SNX7: variants seen among roughly 807,000 people sequenced by gnomAD.
SNX7 encodes the protein sorting nexin-7.
Under a neutral mutation model 48.4 loss-of-function variants are expected in SNX7, and 35 were observed. That is an observed-to-expected ratio of 0.72 (90% CI 0.55 to 0.96). The LOEUF is 0.96. Among genes scored for constraint, SNX7 ranks in the 40% least tolerant of loss-of-function variants. The probability of loss-of-function intolerance (pLI) is 0.00; values close to 1 mark genes in which losing one functional copy is unlikely to be tolerated. For synonymous variants in SNX7, 190 were observed against 190.2 expected, an observed-to-expected ratio of 1.00 and a Z score of 0.01; for missense variants, 553 against 548.9, an observed-to-expected ratio of 1.01 and a Z score of -0.07.
intron 7 of SNX7, among the ~76,000 whole-genome samples, chr1:98,727,126 C>T (rs376261913): frequency 3.9e-5 from 6 of 152,302 alleles, no homozygotes; most frequent in South Asian, 4.1e-4. Context: ...AGGAGAATGG[C>T]GTGAACCCGG....
At chr1:98,702,907 C>T (rs901597354) in intron 7 of SNX7, among the ~76,000 whole-genome samples, 3 of 151,992 alleles carry the variant, frequency 2.0e-5, no homozygotes, top group Non-Finnish European at 4.4e-5. Flanking sequence ...GCGGGGGAGT[C>T]CTTGAAACTT....
intron 7 of SNX7, among the ~76,000 whole-genome samples, chr1:98,736,883 C>T (rs148390796): frequency 6.6e-6 from 1 of 152,130 alleles, no homozygotes; most frequent in East Asian, 1.9e-4. Flanking sequence ...TGGCCTCTCA[C>T]AAATACTTTG....
intron 8 of SNX7, among the ~76,000 whole-genome samples, chr1:98,752,150 GATTCTTTATATCCTCCA>G (rs1654616933): frequency 6.6e-6 from 1 of 151,996 alleles, no homozygotes; most frequent in South Asian, 2.1e-4. Flanking sequence ...TTGTATTAAT[GATTCTTTATATCCTCCA>G]ATTATGATCC....
intron 2 of SNX7, among the ~76,000 whole-genome samples, chr1:98,685,422 A>G (rs1483910522): frequency 2.0e-5 from 3 of 152,158 alleles, no homozygotes; most frequent in African/African-American, 2.4e-5. Context: ...TCGCAATATT[A>G]TGTATTCAGA....
chr1:98,752,294 G>T (rs1161390228), intron 8 of SNX7, among the ~76,000 whole-genome samples: 7 of 152,008 alleles, frequency 4.6e-5, no homozygotes, highest in Non-Finnish European at 8.8e-5. Flanking sequence ...AGGAGCCTTA[G>T]AGATCATCTT....
chr1:98,759,162 T>C (rs1025779477), intron 8 of SNX7, among the ~76,000 whole-genome samples: 11 of 152,016 alleles, frequency 7.2e-5, no homozygotes, highest in African/African-American at 2.7e-4. Flanking sequence ...TCAGTCCAGC[T>C]TTGGAGTGTT....
chr1:98,682,135 C>G (rs1163529128), intron 1 of SNX7, among the ~76,000 whole-genome samples: 1 of 148,604 alleles, frequency 6.7e-6, no homozygotes, highest in Non-Finnish European at 1.5e-5. Flanking sequence ...CCTTGTTTTT[C>G]TCTCTCACCT....
At chr1:98,703,418 T>A (rs981545007) in intron 7 of SNX7, among the ~76,000 whole-genome samples, 32 of 152,126 alleles carry the variant, frequency 2.1e-4, no homozygotes, top group Non-Finnish European at 3.5e-4. Context: ...TCACGTTTCT[T>A]GACTATGTAT....
In SNX7 at chr1:98,720,696, G is replaced by T. The variant is rs541608781; in HGVS notation, c.1126-17541G>T. On this transcript the variant is annotated intron_variant, in intron 7 of 8. Transcript: ENST00000306121. ...TCTCAGTCACACTAGCTGAATTTCA[G>T]TAGTCACATGTGGCTATTGGTACCA... Among the ~76,000 whole-genome samples, 202 of 152,196 alleles carry T rather than the reference G, an allele frequency of 1.3e-3. 1 individual carries two copies. Among genetic ancestry groups the T allele is most frequent in the African/African-American group, 4.6e-3 (191 of 41,540 alleles).
At chr1:98,700,817 C>G (rs192240351) in intron 6 of SNX7, among the ~76,000 whole-genome samples, 1 of 152,158 alleles carries the variant, frequency 6.6e-6, no homozygotes, top group East Asian at 1.9e-4. Flanking sequence ...GTAGAGCCAT[C>G]TTGTTTGACC....
chr1:98,697,326 CTT>C (rs1297368902), intron 5 of SNX7, among the ~76,000 whole-genome samples: 1 of 151,882 alleles, frequency 6.6e-6, no homozygotes, highest in Non-Finnish European at 1.5e-5. Flanking sequence ...TTAATACAGA[CTT>C]TTAAAGTTTT....
chr1:98,705,048 G>A (rs1245191908), intron 7 of SNX7, among the ~76,000 whole-genome samples: 2 of 152,054 alleles, frequency 1.3e-5, no homozygotes, highest in Non-Finnish European at 2.9e-5. Context: ...GAACAATAAT[G>A]GCATTACAGT....
chr1:98,674,644 A>G (rs191559441), intron 1 of SNX7, among the ~76,000 whole-genome samples: 30 of 152,294 alleles, frequency 2.0e-4, no homozygotes, highest in East Asian at 1.4e-3. Flanking sequence ...GAACAATTCA[A>G]CCCATAACAA....
chr1:98,758,736 T>C (rs901404805), intron 8 of SNX7, among the ~76,000 whole-genome samples: 2 of 152,112 alleles, frequency 1.3e-5, no homozygotes, highest in Non-Finnish European at 2.9e-5. Context: ...AGTATCTTTT[T>C]ATTTGACAAT....
In SNX7 at chr1:98,694,108, C is replaced by T. The variant is rs184801792; in HGVS notation, c.640-1410C>T. Among the ~76,000 whole-genome samples the T allele has an allele frequency of 3.8e-3, 586 of 152,290 alleles. 5 individuals carry two copies. Among genetic ancestry groups the T allele is most frequent in the African/African-American group, 0.012 (494 of 41,564 alleles). On this transcript the variant is annotated intron_variant, in intron 4 of 8. Coordinates refer to ENST00000306121, the MANE Select transcript of SNX7 (RefSeq NM_015976.5). ...TTTCTCAGCTGGGCGCGGTGGCTCA[C>T]GCCTGTAATCCCAGCACTTTGGGAG... is the stretch of plus-strand genomic sequence containing the variant.
upstream of SNX7, chr1:98,661,657 T>TGGGAGCCAATGGGCACGCTCGG (rs1649218421): frequency 8.6e-7 from 1 of 1,156,800 alleles, no homozygotes; most frequent in Non-Finnish European, 1.1e-6. Context: ...GCAGGAGACG[T>TGGGAGCCAATGGGCACGCTCGG]GGGAGCCAAT....
At chr1:98,717,216 A>G (rs1652638803) in intron 7 of SNX7, among the ~76,000 whole-genome samples, 1 of 152,208 alleles carries the variant, frequency 6.6e-6, no homozygotes, top group African/African-American at 2.4e-5. Context: ...TTTCTTGAGC[A>G]CACACGATGT....
At chr1:98,755,372 G>C (rs1654791436) in intron 8 of SNX7, among the ~76,000 whole-genome samples, 1 of 152,020 alleles carries the variant, frequency 6.6e-6, no homozygotes, top group Non-Finnish European at 1.5e-5. Context: ...CATTCTGTCA[G>C]TTCTTGAGAG....
chr1:98,663,540 C>A (rs1391913654), intron 1 of SNX7, among the ~76,000 whole-genome samples: 1 of 151,872 alleles, frequency 6.6e-6, no homozygotes, highest in Non-Finnish European at 1.5e-5. Flanking sequence ...TTTGCTTAGA[C>A]CTCTGGGCGT....
Sources: allele counts gnomAD v4.1 joint callset (sites outside exome capture counted in the v4.1 genomes callset), GRCh38; gene constraint gnomAD v4.1.1; transcripts MANE v1.5; gene names NCBI Gene and HGNC (gene_info 2026-07-23, HGNC 2026-07-21).